DLGAP2: variants seen among roughly 807,000 people sequenced by gnomAD.
DLGAP2 encodes the protein DLG associated protein 2.
Under a neutral mutation model 100.3 loss-of-function variants are expected in DLGAP2, and 26 were observed. The ratio of observed to expected loss-of-function variants is 0.26; its 90% CI spans 0.19 to 0.36. The LOEUF is 0.36. Ranked by LOEUF, DLGAP2 falls within the 10% of genes least tolerant of loss-of-function variation. The pLI, the probability that DLGAP2 is intolerant of heterozygous loss-of-function variation, is 1.00. For missense variants in DLGAP2, 1,858 were observed against 1,453.2 expected, an observed-to-expected ratio of 1.28 and a Z score of -4.53; for synonymous variants, 886 against 630.1, an observed-to-expected ratio of 1.41 and a Z score of -6.08.
At chr8:1,371,179 C>T (rs191364598) in intron 3 of DLGAP2, among the ~76,000 whole-genome samples, 6 of 152,344 alleles carry the variant, frequency 3.9e-5, no homozygotes, top group Non-Finnish European at 5.9e-5. Flanking sequence ...CTTTTGCCTC[C>T]GTCCTGTATG....
chr8:968,247 G>A (rs961309346), intron 2 of DLGAP2, among the ~76,000 whole-genome samples: 1 of 152,092 alleles, frequency 6.6e-6, no homozygotes, highest in Admixed American at 6.5e-5. Flanking sequence ...AGCTATGCCC[G>A]TGGGGCCCCT....
intron 2 of DLGAP2, among the ~76,000 whole-genome samples, chr8:1,172,958 T>G (rs914595229): frequency 6.6e-6 from 1 of 152,232 alleles, no homozygotes; most frequent in African/African-American, 2.4e-5. Flanking sequence ...AGAGGTGCTC[T>G]GCTTTTTAGA....
At chr8:1,344,142 T>C (rs1398666768) in intron 3 of DLGAP2, among the ~76,000 whole-genome samples, 1 of 151,316 alleles carries the variant, frequency 6.6e-6, no homozygotes, top group African/African-American at 2.4e-5. Flanking sequence ...GTCCGTGTAC[T>C]CGGGGCCCTG....
chr8:1,165,503 A>G (rs1194978106), intron 2 of DLGAP2, among the ~76,000 whole-genome samples: 1 of 152,166 alleles, frequency 6.6e-6, no homozygotes, highest in Non-Finnish European at 1.5e-5. Context: ...TAATGTGTAC[A>G]TTTGCTCATC....
intron 1 of DLGAP2, 104 bp downstream of exon 1, chr8:737,929 T>A: frequency 2.8e-6 from 1 of 354,282 alleles, no homozygotes; most frequent in East Asian, 4.2e-5. Context: ...CCCGAGGGCG[T>A]CAGGGTTGGG....
intron 3 of DLGAP2, among the ~76,000 whole-genome samples, chr8:1,362,285 C>T (rs1300512828): frequency 2.6e-5 from 4 of 151,906 alleles, no homozygotes; most frequent in Non-Finnish European, 4.4e-5. Flanking sequence ...GTAAACGGGT[C>T]GAATCCTGGG....
chr8:1,380,494 T>C (rs191592533), intron 3 of DLGAP2, among the ~76,000 whole-genome samples: 5 of 152,262 alleles, frequency 3.3e-5, no homozygotes, highest in African/African-American at 7.2e-5. Flanking sequence ...GATGCTCAGC[T>C]GCACAAAAGA....
chr8:1,424,532 C>T (rs775969292), intron 3 of DLGAP2, among the ~76,000 whole-genome samples: 20 of 152,232 alleles, frequency 1.3e-4, no homozygotes, highest in Non-Finnish European at 2.8e-4. Flanking sequence ...CTTGGGTGAA[C>T]CCTGAGGACA....
intron 2 of DLGAP2, among the ~76,000 whole-genome samples, chr8:1,252,935 G>T (rs1035923307): frequency 6.6e-6 from 1 of 152,204 alleles, no homozygotes; most frequent in African/African-American, 2.4e-5. Context: ...AGAGGACGGG[G>T]GAGGCAACAA....
intron 2 of DLGAP2, among the ~76,000 whole-genome samples, chr8:920,722 C>T (rs1012187171): frequency 2.0e-5 from 3 of 152,098 alleles, no homozygotes; most frequent in African/African-American, 7.2e-5. Context: ...GGGCAATCTG[C>T]CCAGCCTGGG....
chr8:1,094,494 A>G (rs1316786262), intron 2 of DLGAP2, among the ~76,000 whole-genome samples: 1 of 152,212 alleles, frequency 6.6e-6, no homozygotes, highest in Non-Finnish European at 1.5e-5. Flanking sequence ...AACCGGCTTC[A>G]AGTGCTTTTC....
chr8:1,602,240 G>A (rs978995967), intron 6 of DLGAP2, among the ~76,000 whole-genome samples: 4 of 152,222 alleles, frequency 2.6e-5, no homozygotes, highest in African/African-American at 9.6e-5. Flanking sequence ...AGTAAACAGT[G>A]TAAGATAATG....
intron 3 of DLGAP2, among the ~76,000 whole-genome samples, chr8:1,318,507 C>G (rs1466573107): frequency 4.0e-5 from 6 of 150,774 alleles, no homozygotes; most frequent in East Asian, 1.9e-4. Context: ...CTAGAAAAGG[C>G]TGTTCCTGAC....
intron 6 of DLGAP2, among the ~76,000 whole-genome samples, chr8:1,566,682 C>A (rs1005207730): frequency 3.9e-5 from 6 of 152,244 alleles, no homozygotes; most frequent in Non-Finnish European, 8.8e-5. Flanking sequence ...ACACATCAGA[C>A]AGGGAGCCCT....
At chr8:963,492 CTT>C (rs1799775732) in intron 2 of DLGAP2, among the ~76,000 whole-genome samples, 2 of 152,066 alleles carry the variant, frequency 1.3e-5, no homozygotes, top group Admixed American at 1.3e-4. Flanking sequence ...TTTAATATAA[CTT>C]TTATGTATGT....
intron 2 of DLGAP2, among the ~76,000 whole-genome samples, chr8:1,178,116 A>G (rs879273064): frequency 1.3e-5 from 2 of 152,202 alleles, no homozygotes; most frequent in Admixed American, 6.5e-5. Context: ...TTACCCCAGA[A>G]TCCAAGGCCT....
chr8:1,177,296 T>A (rs565939691), intron 2 of DLGAP2, among the ~76,000 whole-genome samples: 3 of 152,274 alleles, frequency 2.0e-5, no homozygotes, highest in African/African-American at 7.2e-5. Flanking sequence ...TTTCTCCGTA[T>A]GTTCTTGGAG....
chr8:1,077,105 T>C (rs981308204), intron 2 of DLGAP2, among the ~76,000 whole-genome samples: 2 of 152,170 alleles, frequency 1.3e-5, no homozygotes, highest in African/African-American at 4.8e-5. Flanking sequence ...TGTTTGGGGT[T>C]CCGTGGCCTG....
chr8:1,102,228 T>G (rs942305085), intron 2 of DLGAP2, among the ~76,000 whole-genome samples: 1 of 147,952 alleles, frequency 6.8e-6, no homozygotes, highest in South Asian at 2.1e-4. Context: ...TGAATATAGA[T>G]TCAAGCTTTT....
Sources: allele counts gnomAD v4.1 joint callset (sites outside exome capture counted in the v4.1 genomes callset), GRCh38; gene constraint gnomAD v4.1.1; transcripts MANE v1.5; gene names NCBI Gene and HGNC (gene_info 2026-07-23, HGNC 2026-07-21).